CLIP4: variants seen among roughly 807,000 people sequenced by gnomAD.
CLIP4 encodes CAP-Gly domain containing linker protein family member 4, also known as CAP-Gly domain-containing linker protein 4.
A neutral mutation model predicts 73.1 loss-of-function variants in CLIP4; 47 were observed. The ratio of observed to expected loss-of-function variants is 0.64; its 90% CI spans 0.51 to 0.82. The LOEUF is 0.82. CLIP4 is among the 40% of genes least tolerant of loss of function. The pLI is 0.00. For missense variants in CLIP4, 874 were observed against 852.9 expected (o/e 1.02, Z -0.31); for synonymous variants, 306 against 295.4 (o/e 1.04, Z -0.37).
At chr2:29,181,462 T>C in intron 15 of CLIP4, 110 bp from the exon 16 acceptor site, 2 of 891,446 alleles carry the variant, frequency 2.2e-6, no homozygotes, top group Non-Finnish European at 3.4e-6. Context: ...GTATTCTCTT[T>C]TGGGAACTGA....
chr2:29,123,374 A>G (rs528569840), intron 2 of CLIP4, among the ~76,000 whole-genome samples: 4 of 152,344 alleles, frequency 2.6e-5, no homozygotes, highest in East Asian at 1.9e-4. Context: ...TGCTGGAGAT[A>G]TCAGTGACCA....
chr2:29,125,866 T>C (rs926028061), intron 2 of CLIP4, among the ~76,000 whole-genome samples: 1 of 152,180 alleles, frequency 6.6e-6, no homozygotes, highest in Non-Finnish European at 1.5e-5. Flanking sequence ...CTCACCCCAC[T>C]TTCTTTTGAT....
rs757869190 is a variant in CLIP4 at position 29,145,275 on chromosome 2, G to A, written c.929G>A (p.Gly310Glu). 1.9e-6 allele frequency: 3 copies of A among 1,613,690 alleles called. No individual in the cohort carries two copies. The highest frequency in any genetic ancestry group is 1.7e-5 in the Admixed American group (1 of 60,002). ...RFCGTTEFAS[G>E]QWAGIELDEP... ...TGTGGAACAACTGAATTTGCAAGTG[G>A]GCAGTGGGCTGGCATTGAACTGGAT... is the stretch of plus-strand genomic sequence containing the variant. Residue 310 changes from glycine (G) to glutamate (E), a missense_variant, in exon 8 of 16, where the codon GGG becomes GAG. Gly to Glu is a moderately conservative substitution (Grantham distance 98). Transcript: ENST00000320081.
At chr2:29,159,304 C>T (rs111993878) in intron 11 of CLIP4, among the ~76,000 whole-genome samples, 362 of 152,216 alleles carry the variant, frequency 2.4e-3, no homozygotes, top group Non-Finnish European at 3.5e-3. Context: ...GTTCTCTACT[C>T]CCTCTCAGAT....
chr2:29,180,596 A>T (rs1208086233), intron 15 of CLIP4, among the ~76,000 whole-genome samples: 1 of 152,216 alleles, frequency 6.6e-6, no homozygotes, highest in Non-Finnish European at 1.5e-5. Context: ...CCAAAGTTGT[A>T]GATTTACAGT....
Position 29,167,510 on chromosome 2 carries a change from T to C in CLIP4, c.1693T>C (p.Ser565Pro), listed in dbSNP as rs1450053444. The change falls in exon 14 of 16, where the codon TCT (serine) becomes CCT (proline). Residue 565 changes from serine to proline, a missense_variant. By Grantham distance (74) the Ser-to-Pro change is moderately conservative. Transcript: ENST00000320081. ...TDSLDTLSEISSNKQNHSYPG... is the reference protein window; with the variant it reads ...TDSLDTLSEIPSNKQNHSYPG... ...TTCCCTGGATACCCTTTCAGAAATTTCTTCAAATAAACAGAACCATTCTTA... is the reference window on the plus strand; with the variant it reads ...TTCCCTGGATACCCTTTCAGAAATTCCTTCAAATAAACAGAACCATTCTTA... 6.8e-6 allele frequency: 11 copies of C among 1,609,122 alleles called. No individual in the cohort carries two copies. Among genetic ancestry groups the C allele is most frequent in the Admixed American group, 1.7e-5 (1 of 59,290 alleles).
chr2:29,132,386 A>T, intron 4 of CLIP4, 141 bp downstream of exon 4: 1 of 673,310 alleles, frequency 1.5e-6, no homozygotes, highest in Non-Finnish European at 2.6e-6. Context: ...GGATTCAGTT[A>T]GGTCCTTCCA....
chr2:29,163,753 C>A (rs1206507975), intron 12 of CLIP4, 78 bp from the exon 13 acceptor site: 4 of 1,397,416 alleles, frequency 2.9e-6, no homozygotes, highest in Non-Finnish European at 3.8e-6. Context: ...TAAAACACCT[C>A]GACTTTGGTT....
chr2:29,119,155 A>G (rs536758382), intron 1 of CLIP4, among the ~76,000 whole-genome samples: 40 of 152,254 alleles, frequency 2.6e-4, no homozygotes, highest in Non-Finnish European at 5.0e-4. Context: ...TTGGTCAGGT[A>G]ATATTGTAGC....
chr2:29,177,605 T>C (rs1197857981), intron 15 of CLIP4, among the ~76,000 whole-genome samples: 1 of 151,976 alleles, frequency 6.6e-6, no homozygotes, highest in Non-Finnish European at 1.5e-5. Flanking sequence ...ATATATATTT[T>C]TCTCAGATGA....
At chr2:29,140,046 A>G (rs1158639121) in intron 6 of CLIP4, among the ~76,000 whole-genome samples, 1 of 150,838 alleles carries the variant, frequency 6.6e-6, no homozygotes, top group Non-Finnish European at 1.5e-5. Context: ...TTATTTTTTT[A>G]ACGTGTTTTT....
intron 9 of CLIP4, among the ~76,000 whole-genome samples, chr2:29,153,447 T>C (rs946752023): frequency 6.6e-6 from 1 of 152,212 alleles, no homozygotes; most frequent in Non-Finnish European, 1.5e-5. Flanking sequence ...TTCTTATTCA[T>C]ATCCTGTCTC....
chr2:29,111,576 G>A (rs943651875), upstream of CLIP4, among the ~76,000 whole-genome samples: 2 of 152,130 alleles, frequency 1.3e-5, no homozygotes, highest in Admixed American at 1.3e-4. Flanking sequence ...TTCCTTCTGT[G>A]AATTGTCTAT....
At chr2:29,114,022 T>A (rs1668452012), upstream of CLIP4, 1 of 152,226 alleles carries the variant, frequency 6.6e-6, no homozygotes, top group Non-Finnish European at 1.5e-5. Flanking sequence ...CACTCGCAGA[T>A]GCTGAGCCTG....
At position 29,163,840 on chromosome 2, in the gene CLIP4, A is replaced by G. The variant is rs1208945306; in HGVS notation, c.1544A>G (p.Tyr515Cys). Reference protein sequence around the residue: ...GTTNFAPGYWYGIELEKPHGK... With the variant: ...GTTNFAPGYWCGIELEKPHGK... The stretch of plus-strand genomic sequence containing the variant: ...AATATTCATGTTCTAGGATATTGGT[A>G]TGGTATAGAGCTTGAAAAACCCCAT... The change falls in exon 13 of 16, where the codon TAT becomes TGT. Residue 515 changes from tyrosine (Y) to cysteine (C), a missense_variant. Coordinates refer to ENST00000320081, the MANE Select transcript of CLIP4 (RefSeq NM_024692.6). The G allele has an allele frequency of 1.2e-5, 20 of 1,612,286 alleles. No homozygotes were observed. Among genetic ancestry groups the G allele is most frequent in the Admixed American group, 1.7e-5 (1 of 59,722 alleles).
chr2:29,107,517 G>A (rs1668261699), intron 1 of CLIP4, among the ~76,000 whole-genome samples: 1 of 146,442 alleles, frequency 6.8e-6, no homozygotes, highest in East Asian at 2.0e-4. Flanking sequence ...GACTACAGGT[G>A]CCTGCTACCA....
At chr2:29,110,434 A>G (rs1668356883), upstream of CLIP4, among the ~76,000 whole-genome samples, 1 of 152,216 alleles carries the variant, frequency 6.6e-6, no homozygotes, top group Non-Finnish European at 1.5e-5. Flanking sequence ...AAGAATGAAG[A>G]CAGGGAGTTT....
rs1304751569 is a variant in CLIP4 at position 29,100,394 on chromosome 2, G to A, written c.-16+2447G>A. On this transcript the variant is annotated intron_variant, in intron 1 of 14. Coordinates refer to the CLIP4 transcript ENST00000401605. ...TTTATTTTTAAGTTTATAGAAAATC[G>A]AGCCGACAGTATGGAGAATCCCTAT... is the stretch of plus-strand genomic sequence containing the variant. Among the ~76,000 whole-genome samples the A allele has an allele frequency of 5.3e-5, 8 of 151,660 alleles. No homozygotes were observed. The East Asian group carries it at 1.4e-3, about 26-fold the overall frequency.
Position 29,181,995 on chromosome 2 carries a change from T to G in CLIP4, c.*102T>G. 1.0e-6 allele frequency: 1 copy of G among 958,864 alleles called. No homozygotes were observed. The highest frequency in any genetic ancestry group is 1.5e-6 in the Non-Finnish European group (1 of 664,508). The allele number at this position is 958,864 out of a possible 1,614,324, so 59.4% of individuals were successfully genotyped here. ...TTTAGCCATATTAAAATTTTGAAAA[T>G]ATAGTTATCTTCTTAAAAACCATTA... On this transcript the variant is annotated 3_prime_UTR_variant, in exon 16 of 16. Transcript: ENST00000320081.
Sources: allele counts gnomAD v4.1 joint callset (sites outside exome capture counted in the v4.1 genomes callset), GRCh38; gene constraint gnomAD v4.1.1; transcripts MANE v1.5; gene names NCBI Gene and HGNC (gene_info 2026-07-23, HGNC 2026-07-21).